The following SLC9A7 variants were observed in gnomAD, a reference collection of about 807,000 sequenced individuals.
SLC9A7 encodes the protein solute carrier family 9 member A7.
SLC9A7 carries 19 observed loss-of-function variants against 52.6 expected under a neutral mutation model. The observed-to-expected ratio is 0.36, with a 90% confidence interval of 0.25 to 0.53. SLC9A7 has a LOEUF of 0.53. Among genes scored for constraint, SLC9A7 ranks in the 20% least tolerant of loss-of-function variants. The pLI, the probability that SLC9A7 is intolerant of heterozygous loss-of-function variation, is 0.91. For synonymous variants in SLC9A7, 226 were observed against 252.1 expected (o/e 0.90, Z 0.98); for missense variants, 455 against 597.9 (o/e 0.76, Z 2.49).
intron 14 of SLC9A7, among the ~76,000 whole-genome samples, chrX:46,630,247 C>T (rs957994283): frequency 2.7e-5 from 3 of 111,855 alleles, no homozygotes; most frequent in Non-Finnish European, 5.6e-5. Context: ...CTTATTAAAT[C>T]TGATTTGGTA....
intron 1 of SLC9A7, among the ~76,000 whole-genome samples, chrX:46,732,046 A>G (rs1381978700): frequency 9.3e-6 from 1 of 106,971 alleles, no homozygotes; most frequent in African/African-American, 3.4e-5. Flanking sequence ...ACATGGAGAA[A>G]CCGTTTCTAC....
At chrX:46,725,455 G>T in intron 1 of SLC9A7, 1 of 1,078,572 alleles carries the variant, frequency 9.3e-7, no homozygotes, top group Non-Finnish European at 1.3e-6. Flanking sequence ...ATTTTCACTT[G>T]CTTGTGTGCC....
At chrX:46,624,917 G>C (rs188218596) in intron 14 of SLC9A7, among the ~76,000 whole-genome samples, 2 of 112,120 alleles carry the variant, frequency 1.8e-5, no homozygotes, top group Admixed American at 1.9e-4. Context: ...CTATGTGCCA[G>C]GCACCATGCT....
Position 46,613,408 on chromosome X carries a change from A to G in SLC9A7, c.1824-14T>C. On this transcript the variant is annotated splice_polypyrimidine_tract_variant and intron_variant, in intron 15 of 16. Coordinates refer to ENST00000616978, the MANE Select transcript of SLC9A7 (RefSeq NM_001257291.2). Reference sequence around the variant, plus strand: ...GGCTTCAGGTAACTTTAAAATGTGAATTAAGGAAAAATGGCTGCAAAGAAA... The same window carrying G: ...GGCTTCAGGTAACTTTAAAATGTGAGTTAAGGAAAAATGGCTGCAAAGAAA... 8.9e-7 allele frequency: 1 copy of G among 1,119,180 alleles called. No homozygotes were observed. The highest frequency in any genetic ancestry group is 1.2e-6 in the Non-Finnish European group (1 of 824,449). 92.2% of individuals were successfully genotyped at this position (1,119,180 alleles called of 1,213,427 possible). A position where few individuals can be genotyped will look rare whatever the true frequency, so the allele number is the denominator to read the frequency against.
At position 46,643,235 on chromosome X, in the gene SLC9A7, C is replaced by A; in HGVS notation, c.1616+1G>T. ...TCAATTAGCCTTGGTTCCAAACCAA[C>A]CTGATGTTAAGCCATGACAACATGG... On this transcript the variant is annotated splice_donor_variant, in intron 12 of 16. Transcript: ENST00000616978. LOFTEE classifies it high-confidence loss of function. 1 of 1,204,935 alleles carries A rather than the reference C, an allele frequency of 8.3e-7. No individual in the cohort carries two copies. Among genetic ancestry groups the A allele is most frequent in the Non-Finnish European group, 1.1e-6 (1 of 890,475 alleles).
chrX:46,627,916 G>A (rs746550072), intron 14 of SLC9A7, among the ~76,000 whole-genome samples: 18 of 111,351 alleles, frequency 1.6e-4, no homozygotes, highest in African/African-American at 5.5e-4. Flanking sequence ...AAAAAAACAC[G>A]GAGGACCCAG....
At chrX:46,615,382 T>G (rs925483873) in intron 15 of SLC9A7, among the ~76,000 whole-genome samples, 10 of 111,582 alleles carry the variant, frequency 9.0e-5, no homozygotes, top group Non-Finnish European at 1.7e-4. Flanking sequence ...TTTGCTGTCC[T>G]TGAACCACAT....
chrX:46,640,427 T>A (rs755895324), intron 12 of SLC9A7, among the ~76,000 whole-genome samples: 1 of 112,476 alleles, frequency 8.9e-6, no homozygotes, highest in East Asian at 2.8e-4. Flanking sequence ...GACTTAAATG[T>A]ACAGTGTAAA....
Position 46,752,235 on chromosome X carries a change from C to T in SLC9A7, c.325+6470G>A, listed in dbSNP as rs910690123. Among the ~76,000 whole-genome samples, 7 of 111,871 alleles carry T rather than the reference C, an allele frequency of 6.3e-5. No homozygotes were observed. In the East Asian group the frequency reaches 1.7e-3, roughly 27 times the overall value. On this transcript the variant is annotated intron_variant, in intron 1 of 16. Transcript: ENST00000616978. ...TACCCCTGAATACTTCAGCTTGCAT[C>T]TCCAAAGAATGAGTACATTCTCCTG...
At chrX:46,736,131 T>C (rs750410620) in intron 1 of SLC9A7, among the ~76,000 whole-genome samples, 1 of 112,093 alleles carries the variant, frequency 8.9e-6, no homozygotes, top group South Asian at 3.7e-4. Context: ...ATTATGTGAA[T>C]GTTAGACCAT....
At chrX:46,665,557 C>CAAA (rs754854403) in intron 5 of SLC9A7, among the ~76,000 whole-genome samples, 24 of 21,605 alleles carry the variant, frequency 1.1e-3, no homozygotes, top group African/African-American at 1.9e-3. Flanking sequence ...GACTCCATCT[C>CAAA]AAAAAAAAAA....
intron 15 of SLC9A7, among the ~76,000 whole-genome samples, chrX:46,614,592 G>A (rs1942913523): frequency 1.8e-5 from 2 of 111,741 alleles, no homozygotes; most frequent in Admixed American, 1.9e-4. Context: ...AATGTCCCCT[G>A]GGAAGCAAAC....
At chrX:46,632,838 T>G (rs1162031177) in intron 13 of SLC9A7, among the ~76,000 whole-genome samples, 1 of 111,577 alleles carries the variant, frequency 9.0e-6, no homozygotes, top group Non-Finnish European at 1.9e-5. Flanking sequence ...TGCATCAAGA[T>G]AGCCTTGAGA....
At chrX:46,662,443 C>A in intron 6 of SLC9A7, 95 bp downstream of exon 6, 11 of 632,318 alleles carry the variant, frequency 1.7e-5, no homozygotes, top group Non-Finnish European at 2.7e-5. Context: ...ACACCCAATT[C>A]AATATGTAAT....
intron 1 of SLC9A7, among the ~76,000 whole-genome samples, chrX:46,731,825 G>A (rs11796002): frequency 0.38 from 41,916 of 109,568 alleles, 7,494 homozygotes; most frequent in Non-Finnish European, 0.55. Flanking sequence ...AAAAAAAATA[G>A]ACAAAGAATA....
intron 1 of SLC9A7, among the ~76,000 whole-genome samples, chrX:46,717,499 C>T (rs972103667): frequency 3.6e-5 from 4 of 111,351 alleles, no homozygotes; most frequent in African/African-American, 9.8e-5. Flanking sequence ...CCTGCCTCAG[C>T]CTCCTGAGAA....
At chrX:46,693,288 G>A (rs954959082) in intron 1 of SLC9A7, among the ~76,000 whole-genome samples, 14 of 111,251 alleles carry the variant, frequency 1.3e-4, no homozygotes, top group South Asian at 3.7e-4. Context: ...CCAGAAGATC[G>A]CAAATTACCT....
At chrX:46,757,651 A>G (rs1922773748) in intron 1 of SLC9A7, among the ~76,000 whole-genome samples, 1 of 111,759 alleles carries the variant, frequency 8.9e-6, no homozygotes, top group Non-Finnish European at 1.9e-5. Flanking sequence ...TGGCTCGTCT[A>G]TTTCGTGTGA....
intron 1 of SLC9A7, among the ~76,000 whole-genome samples, chrX:46,726,700 A>C (rs1944950573): frequency 9.0e-6 from 1 of 111,359 alleles, no homozygotes; most frequent in Non-Finnish European, 1.9e-5. Flanking sequence ...ATATTTACTT[A>C]TCTTTATATT....
Sources: gnomAD v4.1 joint callset for allele counts (sites outside exome capture counted in the v4.1 genomes callset) on GRCh38, gnomAD v4.1.1 for gene constraint, MANE v1.5 for transcripts, NCBI Gene and HGNC (gene_info 2026-07-23, HGNC 2026-07-21) for gene names.